Variants in VMP1 observed in about 807,000 individuals in gnomAD.
VMP1 encodes the protein vacuole membrane protein 1, also known as ectopic P-granules autophagy protein 3 homolog.
In VMP1, 11 loss-of-function variants were observed where a neutral mutation model predicts 56.0. The observed-to-expected ratio is 0.20, with a 90% CI of 0.12 to 0.32. VMP1 has a LOEUF of 0.32. Ranked by LOEUF, VMP1 falls within the 10% of genes least tolerant of loss-of-function variation. The pLI is 1.00. For synonymous variants in VMP1, 149 were observed against 165.0 expected (o/e 0.90, Z 0.74); for missense variants, 296 against 490.3 (o/e 0.60, Z 3.74).
chr17:59,794,517 ATTTTTTTTTTTTTTTTTTTTTTT>A (rs71145572), intron 7 of VMP1, among the ~76,000 whole-genome samples: 3 of 43,090 alleles, frequency 7.0e-5, no homozygotes, highest in African/African-American at 3.5e-4. Context: ...CGCGCCCTGC[ATTTTTTTTTTTTTTTTTTTTTTT>A]TTTTTTTTTT....
intron 6 of VMP1, among the ~76,000 whole-genome samples, chr17:59,770,772 G>A (rs961234020): frequency 5.3e-5 from 8 of 151,772 alleles, no homozygotes; most frequent in Admixed American, 4.6e-4. Flanking sequence ...AGTAGACATG[G>A]GGTTTCACAA....
chr17:59,763,660 GT>G (rs1438733131), intron 5 of VMP1, among the ~76,000 whole-genome samples: 1 of 152,008 alleles, frequency 6.6e-6, no homozygotes, highest in African/African-American at 2.4e-5. Flanking sequence ...GAATGTCTTA[GT>G]TTTATTTTTA....
chr17:59,764,944 C>G, intron 5 of VMP1, 27 bp from the exon 6 acceptor site: 1 of 1,474,410 alleles, frequency 6.8e-7, no homozygotes, highest in Non-Finnish European at 9.0e-7. Context: ...TAGTTCTTAT[C>G]AGAAGTTTCT....
intron 1 of VMP1, among the ~76,000 whole-genome samples, chr17:59,726,594 A>C (rs980884929): frequency 2.0e-5 from 3 of 152,070 alleles, no homozygotes; most frequent in Non-Finnish European, 4.4e-5. Context: ...ACACCTGGCC[A>C]AACCCACATA....
At chr17:59,725,312 G>A (rs921692869) in intron 1 of VMP1, among the ~76,000 whole-genome samples, 1 of 152,164 alleles carries the variant, frequency 6.6e-6, no homozygotes, top group Non-Finnish European at 1.5e-5. Flanking sequence ...GATTCTGGAG[G>A]CACTGCAGTT....
chr17:59,834,750 G>T (rs1448182860), intron 10 of VMP1, among the ~76,000 whole-genome samples: 2 of 151,732 alleles, frequency 1.3e-5, no homozygotes, highest in Non-Finnish European at 1.5e-5. Context: ...TCAGCCTCTT[G>T]AGTAGCTGGG....
chr17:59,710,128 C>T lies in VMP1; in HGVS notation c.-27+2380C>T, dbSNP rs181517244. Among the ~76,000 whole-genome samples, 67 of 152,084 alleles carry T rather than the reference C, an allele frequency of 4.4e-4. No homozygotes were observed. In the East Asian group the frequency reaches 0.012, roughly 28 times the overall value. On this transcript the variant is annotated intron_variant, in intron 1 of 11. Coordinates refer to ENST00000262291, the MANE Select transcript of VMP1 (RefSeq NM_030938.5). ...AGGAGAATGGCGCGAACCCAGGAGGCGGAGCTTGCAGTGAGCCGAGATTGC... is the reference window on the plus strand; with the variant it reads ...AGGAGAATGGCGCGAACCCAGGAGGTGGAGCTTGCAGTGAGCCGAGATTGC...
intron 7 of VMP1, among the ~76,000 whole-genome samples, chr17:59,789,859 A>G (rs1256104556): frequency 8.7e-5 from 1 of 11,434 alleles, no homozygotes; most frequent in African/African-American, 2.2e-4. Flanking sequence ...TTTTTTTTTG[A>G]GACGGAGTCT....
rs144399526 is a variant in VMP1 at position 59,755,614 on chromosome 17, C to G, written c.415-9357C>G. Among the ~76,000 whole-genome samples, 157 of 151,974 alleles carry G rather than the reference C, an allele frequency of 1.0e-3. 2 individuals are homozygous for G. Among genetic ancestry groups the G allele is most frequent in the African/African-American group, 3.7e-3 (154 of 41,432 alleles). On this transcript the variant is annotated intron_variant, in intron 5 of 11. Transcript: ENST00000262291. ...AAGCATTATTAGGCTTTTTGTTAAA[C>G]AAAGGAAGAGATAGAAGTTACCAAC...
intron 5 of VMP1, among the ~76,000 whole-genome samples, chr17:59,760,989 G>A (rs762979727): frequency 6.4e-4 from 97 of 151,506 alleles, no homozygotes; most frequent in Non-Finnish European, 1.0e-3. Context: ...CGCACCCTCT[G>A]CCTCCTGGGT....
intron 5 of VMP1, among the ~76,000 whole-genome samples, chr17:59,750,602 C>T (rs755800370): frequency 2.0e-5 from 3 of 151,952 alleles, no homozygotes; most frequent in Non-Finnish European, 2.9e-5. Flanking sequence ...ACGCCCAGCC[C>T]ACAATGAGTG....
chr17:59,784,237 C>T (rs762217462), intron 7 of VMP1, among the ~76,000 whole-genome samples: 4 of 151,586 alleles, frequency 2.6e-5, no homozygotes, highest in African/African-American at 4.8e-5. Context: ...AAATTACTAG[C>T]CTGATCATTT....
intron 7 of VMP1, among the ~76,000 whole-genome samples, chr17:59,801,091 A>AAAAG (rs1307645697): frequency 9.1e-6 from 1 of 109,358 alleles, no homozygotes; most frequent in Non-Finnish European, 1.8e-5. Flanking sequence ...AAAAAAAAAA[A>AAAAG]ATATATATAT....
intron 11 of VMP1, chr17:59,839,553 C>A: frequency 1.8e-6 from 1 of 563,890 alleles, no homozygotes; most frequent in African/African-American, 1.9e-5. Context: ...CTATGTGATT[C>A]AACACTGATT....
At chr17:59,789,317 G>A (rs2037131999) in intron 7 of VMP1, among the ~76,000 whole-genome samples, 1 of 151,018 alleles carries the variant, frequency 6.6e-6, no homozygotes, top group South Asian at 2.1e-4. Flanking sequence ...CAGCACTTTG[G>A]GAGGCCGAGG....
chr17:59,834,752 GT>G (rs2038926608), intron 10 of VMP1, among the ~76,000 whole-genome samples: 1 of 152,016 alleles, frequency 6.6e-6, no homozygotes, highest in Non-Finnish European at 1.5e-5. Flanking sequence ...AGCCTCTTGA[GT>G]AGCTGGGATT....
intron 10 of VMP1, among the ~76,000 whole-genome samples, chr17:59,824,247 T>A (rs1294438797): frequency 3.0e-5 from 4 of 134,914 alleles, no homozygotes; most frequent in African/African-American, 6.2e-5. Context: ...CGAGACTCTG[T>A]CTCCAAAAAA....
In VMP1 at chr17:59,768,522, G is replaced by C. The variant is rs186991872; in HGVS notation, c.582+3384G>C. ...GGATGCTGAGGCAGGAGAATCGCTTGAACCCAGGAGGTGGAGGTTGCAGTG... is the reference window on the plus strand; with the variant it reads ...GGATGCTGAGGCAGGAGAATCGCTTCAACCCAGGAGGTGGAGGTTGCAGTG... On this transcript the variant is annotated intron_variant, in intron 6 of 11. Coordinates refer to ENST00000262291, the MANE Select transcript of VMP1 (RefSeq NM_030938.5). 2.4e-3 allele frequency among the ~76,000 whole-genome samples: 364 copies of C among 152,050 alleles called. 1 individual carries two copies. Among genetic ancestry groups the C allele is most frequent in the Non-Finnish European group, 4.6e-3 (313 of 67,976 alleles).
chr17:59,780,825 T>C (rs920823932), intron 7 of VMP1, among the ~76,000 whole-genome samples: 2 of 152,136 alleles, frequency 1.3e-5, no homozygotes, highest in Non-Finnish European at 2.9e-5. Context: ...TGACCTCAGG[T>C]GATCCACCCG....
Sources: gnomAD v4.1 joint callset for allele counts (sites outside exome capture counted in the v4.1 genomes callset) on GRCh38, gnomAD v4.1.1 for gene constraint, MANE v1.5 for transcripts, NCBI Gene and HGNC (gene_info 2026-07-23, HGNC 2026-07-21) for gene names.